ESR1: variants seen among roughly 807,000 people sequenced by gnomAD.
ESR1 encodes the protein estrogen receptor 1.
Under a neutral mutation model 52.7 loss-of-function variants are expected in ESR1, and 12 were observed. The ratio of observed to expected loss-of-function variants is 0.23; its 90% CI spans 0.15 to 0.37. ESR1 has a LOEUF of 0.37. Ranked by LOEUF, ESR1 falls within the 10% of genes least tolerant of loss-of-function variation. The pLI, the probability that ESR1 is intolerant of heterozygous loss-of-function variation, is 1.00. For synonymous variants in ESR1, 305 were observed against 316.8 expected (o/e 0.96, Z 0.39); for missense variants, 584 against 779.7 (o/e 0.75, Z 2.99).
At chr6:151,768,421 A>C (rs576221869) in intron 2 of ESR1, among the ~76,000 whole-genome samples, 1 of 152,340 alleles carries the variant, frequency 6.6e-6, no homozygotes, top group African/African-American at 2.4e-5. Flanking sequence ...TTCCAGACCA[A>C]AGGAGGCTAA....
chr6:151,869,701 T>G (rs1229891111), intron 2 of ESR1, among the ~76,000 whole-genome samples: 1 of 152,220 alleles, frequency 6.6e-6, no homozygotes. Flanking sequence ...TCACTTTGTG[T>G]TATTTAGAAA....
chr6:151,930,775 A>C (rs1159245462), intron 3 of ESR1, among the ~76,000 whole-genome samples: 1 of 151,678 alleles, frequency 6.6e-6, no homozygotes, highest in African/African-American at 2.4e-5. Context: ...TATTTCCTTC[A>C]CTTTTGAAGG....
At chr6:151,743,212 G>A (rs535302777) in intron 2 of ESR1, among the ~76,000 whole-genome samples, 41 of 152,116 alleles carry the variant, frequency 2.7e-4, no homozygotes, top group Non-Finnish European at 5.3e-4. Context: ...TGTTGGGAAG[G>A]CCTGGTGGGA....
chr6:152,082,811 C>T (rs2049342371), intron 6 of ESR1, among the ~76,000 whole-genome samples: 4 of 152,154 alleles, frequency 2.6e-5, no homozygotes, highest in Admixed American at 2.6e-4. Context: ...CATTCCTGTA[C>T]ACCAATAATA....
At chr6:151,696,147 G>A (rs79957828) in intron 1 of ESR1, among the ~76,000 whole-genome samples, 1 of 151,652 alleles carries the variant, frequency 6.6e-6, no homozygotes, top group African/African-American at 2.4e-5. Context: ...ATTATGGCTT[G>A]TCCTAGAGTC....
At chr6:151,784,354 A>G (rs1428190355) in intron 2 of ESR1, among the ~76,000 whole-genome samples, 1 of 152,194 alleles carries the variant, frequency 6.6e-6, no homozygotes, top group African/African-American at 2.4e-5. Context: ...AAACAATACT[A>G]CTTTATTTTA....
intron 3 of ESR1, among the ~76,000 whole-genome samples, chr6:151,916,483 G>T (rs4870062): frequency 0.61 from 92,237 of 152,004 alleles, 28,637 homozygotes; most frequent in Middle Eastern, 0.77. Flanking sequence ...ATTTCAGAGA[G>T]AAATTCTCTG....
At chr6:151,794,804 T>A (rs975967911) in intron 2 of ESR1, among the ~76,000 whole-genome samples, 3 of 152,212 alleles carry the variant, frequency 2.0e-5, no homozygotes, top group Non-Finnish European at 4.4e-5. Flanking sequence ...GCATGGCTAC[T>A]CTTTGTCCCC....
intron 2 of ESR1, among the ~76,000 whole-genome samples, chr6:151,767,984 C>T (rs1361521283): frequency 6.6e-6 from 1 of 152,148 alleles, no homozygotes; most frequent in Non-Finnish European, 1.5e-5. Context: ...AGGCACTGTA[C>T]TTCAGCTGTG....
intron 2 of ESR1, among the ~76,000 whole-genome samples, chr6:151,706,611 C>T (rs532118487): frequency 4.6e-5 from 7 of 152,252 alleles, no homozygotes; most frequent in African/African-American, 1.7e-4. Context: ...GTTTTCCTTG[C>T]TGTGCCACGA....
At chr6:152,117,321 T>C (rs2051221769) in intron 6 of ESR1, among the ~76,000 whole-genome samples, 2 of 152,196 alleles carry the variant, frequency 1.3e-5, no homozygotes, top group African/African-American at 4.8e-5. Context: ...GCTCCAAGAA[T>C]GTGTCCGGCA....
chr6:151,967,290 C>T (rs1417582768), intron 4 of ESR1, among the ~76,000 whole-genome samples: 2 of 152,076 alleles, frequency 1.3e-5, no homozygotes, highest in Non-Finnish European at 2.9e-5. Context: ...CCCACCAACC[C>T]ATCATTTACA....
At chr6:152,088,775 T>C (rs1435402510) in intron 6 of ESR1, among the ~76,000 whole-genome samples, 1 of 152,206 alleles carries the variant, frequency 6.6e-6, no homozygotes, top group Non-Finnish European at 1.5e-5. Flanking sequence ...TCCTTTTCTT[T>C]GTAAATTATC....
chr6:152,006,873 A>G (rs1165241606), intron 4 of ESR1, among the ~76,000 whole-genome samples: 1 of 152,056 alleles, frequency 6.6e-6, no homozygotes, highest in African/African-American at 2.4e-5. Context: ...GAGGGAACCA[A>G]CCACCTAGCT....
At position 151,989,082 on chromosome 6, in the gene ESR1, G is replaced by T. The variant is rs145365693; in HGVS notation, c.1097-22574G>T. ...ATGAGATTCTTGAATTAGAATGCAT[G>T]CCTTAATGTATTAAGTCTATGTAGA... On this transcript the variant is annotated intron_variant, in intron 4 of 7. Transcript: ENST00000206249. 6.5e-3 allele frequency among the ~76,000 whole-genome samples: 995 copies of T among 152,244 alleles called. 15 individuals carry two copies. Among genetic ancestry groups the T allele is most frequent in the African/African-American group, 0.023 (947 of 41,512 alleles).
At chr6:151,663,921 A>G (rs561920980) in intron 1 of ESR1, among the ~76,000 whole-genome samples, 1 of 152,272 alleles carries the variant, frequency 6.6e-6, no homozygotes, top group South Asian at 2.1e-4. Context: ...TTGAAGTGCT[A>G]TTATTTGGTA....
chr6:152,012,268 G>A (rs981390857), intron 5 of ESR1, among the ~76,000 whole-genome samples: 37 of 151,534 alleles, frequency 2.4e-4, no homozygotes, highest in African/African-American at 8.5e-4. Flanking sequence ...CATTCAGGTC[G>A]ACAAATTCAT....
intron 3 of ESR1, among the ~76,000 whole-genome samples, chr6:151,935,767 A>G (rs1034287701): frequency 2.0e-5 from 3 of 152,202 alleles, no homozygotes; most frequent in East Asian, 3.9e-4. Flanking sequence ...CCTACAAAGA[A>G]CAGCTCACTT....
At chr6:151,753,847 C>T (rs1784084376) in intron 2 of ESR1, among the ~76,000 whole-genome samples, 1 of 152,162 alleles carries the variant, frequency 6.6e-6, no homozygotes. Context: ...TTCCTCTTAC[C>T]TATATTTGTA....
Sources: allele counts gnomAD v4.1 joint callset (sites outside exome capture counted in the v4.1 genomes callset), GRCh38; gene constraint gnomAD v4.1.1; transcripts MANE v1.5; gene names NCBI Gene and HGNC (gene_info 2026-07-23, HGNC 2026-07-21).